Variants in SYCE1 observed in about 807,000 individuals in gnomAD.
SYCE1 encodes synaptonemal complex central element protein 1, also known as cancer/testis antigen 76.
SYCE1 carries 37 observed loss-of-function variants against 55.1 expected under a neutral mutation model. That is an observed-to-expected ratio of 0.67 (90% CI 0.52 to 0.88). SYCE1 has a LOEUF of 0.88. Among genes scored for constraint, SYCE1 ranks in the 40% least tolerant of loss-of-function variants. The probability of loss-of-function intolerance (pLI) is 0.00; values close to 1 mark genes in which losing one functional copy is unlikely to be tolerated. For missense variants in SYCE1, 399 were observed against 416.4 expected, an observed-to-expected ratio of 0.96 and a Z score of 0.36; for synonymous variants, 163 against 159.4, an observed-to-expected ratio of 1.02 and a Z score of -0.17.
chr10:133,554,202 C>T (rs768946980), downstream of SYCE1: 10 of 1,229,440 alleles, frequency 8.1e-6, no homozygotes, highest in Admixed American at 5.2e-5. Flanking sequence ...TTAGAGAACT[C>T]GTCTGTCCTG....
upstream of SYCE1, among the ~76,000 whole-genome samples, chr10:133,566,641 G>T: frequency 2.2e-5 from 3 of 137,550 alleles, no homozygotes; most frequent in East Asian, 2.5e-4. Flanking sequence ...GGGGCTAGGG[G>T]ATTAGGGTCA....
chr10:133,568,221 T>C, upstream of SYCE1: 1 of 1,285,322 alleles, frequency 7.8e-7, no homozygotes, highest in Non-Finnish European at 1.1e-6. Context: ...TCCTGTTGCC[T>C]CCGGGAACCC....
chr10:133,559,542 G>C (rs1436461711), intron 2 of SYCE1, 182 bp from the exon 3 acceptor site: 8 of 623,424 alleles, frequency 1.3e-5, no homozygotes, highest in Non-Finnish European at 2.0e-5. Flanking sequence ...GACACAATAA[G>C]ATACCGAATG....
chr10:133,554,398 C>A, downstream of SYCE1: 1 of 1,421,826 alleles, frequency 7.0e-7, no homozygotes, highest in Non-Finnish European at 9.9e-7. Flanking sequence ...GACTTTGACT[C>A]CCACCATTGG....
At chr10:133,558,378 T>G (rs1851740007) in intron 4 of SYCE1, 164 bp from the exon 5 acceptor site, 2 of 742,816 alleles carry the variant, frequency 2.7e-6, no homozygotes, top group Non-Finnish European at 4.6e-6. Context: ...ACATTCCTTG[T>G]AAGCACCAAA....
chr10:133,554,255 C>T (rs750316016), downstream of SYCE1: 3 of 1,606,582 alleles, frequency 1.9e-6, no homozygotes, highest in Non-Finnish European at 2.6e-6. Context: ...TTCCATTTTT[C>T]CATGGAAACA....
chr10:133,558,005 G>T, intron 5 of SYCE1, 87 bp from the exon 6 acceptor site: 1 of 1,547,188 alleles, frequency 6.5e-7, no homozygotes, highest in South Asian at 1.1e-5. Context: ...TGTCAGGTCT[G>T]TGGACACCTG....
intron 1 of SYCE1, 77 bp downstream of exon 1, chr10:133,565,380 C>G: frequency 7.6e-7 from 1 of 1,324,118 alleles, no homozygotes; most frequent in Non-Finnish European, 1.0e-6. Flanking sequence ...AAGAAGCAGC[C>G]GCCACCCGCG....
At position 133,565,550 on chromosome 10, in the gene SYCE1, AG is replaced by A. The variant is rs1193235952; in HGVS notation, c.-22del. ...GCCATTTCCTCTCAGCTCGCCAGCGAGGGTGCCTCGGGAGGGAGCCTCCAGT... is the reference window on the plus strand; with the variant it reads ...GCCATTTCCTCTCAGCTCGCCAGCGAGGTGCCTCGGGAGGGAGCCTCCAGT... On this transcript the variant is annotated 5_prime_UTR_variant, in exon 1 of 13. Coordinates refer to ENST00000343131, the MANE Select transcript of SYCE1 (RefSeq NM_001143764.3). 3.9e-6 allele frequency: 6 copies of A among 1,548,184 alleles called. No homozygotes were observed. The African/African-American group carries it at 4.1e-5, about 11-fold the overall frequency.
chr10:133,560,371 G>T (rs1282178987), intron 1 of SYCE1: 2 of 433,086 alleles, frequency 4.6e-6, no homozygotes, highest in African/African-American at 4.1e-5. Context: ...AACTCTGGGT[G>T]AGGGCAGGGG....
At chr10:133,568,268 C>G, upstream of SYCE1, 1 of 1,420,744 alleles carries the variant, frequency 7.0e-7, no homozygotes, top group Non-Finnish European at 9.6e-7. Context: ...TCCCCGGGTC[C>G]CGCGGCCCTT....
chr10:133,556,752 G>A lies in SYCE1; in HGVS notation c.528+7C>T, dbSNP rs754378403. 59 of 1,559,490 alleles carry A rather than the reference G, an allele frequency of 3.8e-5. No homozygotes were observed. Among genetic ancestry groups the A allele is most frequent in the South Asian group, 1.1e-4 (9 of 84,748 alleles). On this transcript the variant is annotated splice_region_variant and intron_variant, in intron 8 of 12. Transcript: ENST00000343131. ...GGAAGGGGGAGGAGTGGCTTTGAGG[G>A]ACTCACGTGGAAGTCCCAGAGGTCC... is the stretch of plus-strand genomic sequence containing the variant.
At chr10:133,565,019 G>C (rs996992311) in intron 1 of SYCE1, among the ~76,000 whole-genome samples, 1 of 152,178 alleles carries the variant, frequency 6.6e-6, no homozygotes, top group Non-Finnish European at 1.5e-5. Context: ...TCCCCGGGGC[G>C]TCGGGATGCT....
At chr10:133,562,278 TGTGTGTGTGTGTGTGTGTGTGTG>T in intron 1 of SYCE1, among the ~76,000 whole-genome samples, 1 of 101,958 alleles carries the variant, frequency 9.8e-6, no homozygotes, top group South Asian at 4.4e-4. Context: ...TGTGTGTGTG[TGTGTGTGTGTGTGTGTGTGTGTG>T]TGTGTGTGTG....
intron 1 of SYCE1, chr10:133,560,523 G>C (rs1352939555): frequency 1.2e-5 from 2 of 162,250 alleles, no homozygotes; most frequent in African/African-American, 4.8e-5. Flanking sequence ...GAAGTTCTTA[G>C]AGAGTTTTCT....
chr10:133,560,203 C>A, intron 1 of SYCE1, 50 bp from the exon 2 acceptor site: 1 of 1,566,978 alleles, frequency 6.4e-7, no homozygotes, highest in East Asian at 2.2e-5. Flanking sequence ...CGAGAGGCCA[C>A]CCCTGGGCTG....
chr10:133,557,832 G>A (rs936864379), intron 6 of SYCE1, 32 bp downstream of exon 6: 4 of 1,612,630 alleles, frequency 2.5e-6, no homozygotes, highest in Admixed American at 1.7e-5. Context: ...TAAAGAGGTA[G>A]TGCAGAGTTA....
At chr10:133,565,769 C>T (rs539579266), upstream of SYCE1, among the ~76,000 whole-genome samples, 5 of 152,382 alleles carry the variant, frequency 3.3e-5, no homozygotes, top group East Asian at 7.7e-4. Flanking sequence ...TCCAGGCTTG[C>T]GATTGGCCCG....
chr10:133,567,787 G>C (rs567984272), upstream of SYCE1: 1,379 of 331,432 alleles, frequency 4.2e-3, 15 homozygotes, highest in Middle Eastern at 0.013. Context: ...CTGGGCTGTT[G>C]GTACAGGAGC....
Sources: allele counts gnomAD v4.1 joint callset (sites outside exome capture counted in the v4.1 genomes callset), GRCh38; gene constraint gnomAD v4.1.1; transcripts MANE v1.5; gene names NCBI Gene and HGNC (gene_info 2026-07-23, HGNC 2026-07-21).